Variants in ADORA1 observed in about 807,000 individuals in gnomAD.
The protein encoded by ADORA1 is adenosine A1 receptor, also known as adenosine receptor A1.
ADORA1 carries 6 observed loss-of-function variants against 19.9 expected under a neutral mutation model. The observed-to-expected ratio is 0.30, with a 90% CI of 0.17 to 0.59. The LOEUF (loss-of-function observed/expected upper bound fraction) is 0.59. Among genes scored for constraint, ADORA1 ranks in the 20% least tolerant of loss-of-function variants. ADORA1 has a pLI of 0.87. For synonymous variants in ADORA1, 194 were observed against 188.4 expected (o/e 1.03, Z -0.24); for missense variants, 302 against 439.2 (o/e 0.69, Z 2.79).
chr1:203,133,548 A>G (rs1278718684), intron 3 of ADORA1, among the ~76,000 whole-genome samples: 1 of 152,236 alleles, frequency 6.6e-6, no homozygotes, highest in Non-Finnish European at 1.5e-5. Flanking sequence ...CAGTAAGCCC[A>G]TGTGTATCTT....
chr1:203,157,529 G>A (rs545897338), intron 3 of ADORA1, among the ~76,000 whole-genome samples: 28 of 152,338 alleles, frequency 1.8e-4, no homozygotes, highest in Admixed American at 5.9e-4. Context: ...GTCCTACAGT[G>A]CTGGTGTCTG....
At chr1:203,134,128 GC>G (rs1334463514) in intron 3 of ADORA1, among the ~76,000 whole-genome samples, 21 of 152,160 alleles carry the variant, frequency 1.4e-4, no homozygotes, top group Admixed American at 1.4e-3. Context: ...TCTCACACTT[GC>G]GGACTGAGGA....
At chr1:203,152,397 G>A (rs1655066037) in intron 3 of ADORA1, among the ~76,000 whole-genome samples, 1 of 152,234 alleles carries the variant, frequency 6.6e-6, no homozygotes, top group Admixed American at 6.5e-5. Flanking sequence ...AGAGGCCACA[G>A]TCTGCAAAGA....
At chr1:203,162,590 C>T (rs943179007) in intron 3 of ADORA1, among the ~76,000 whole-genome samples, 1 of 152,160 alleles carries the variant, frequency 6.6e-6, no homozygotes, top group Non-Finnish European at 1.5e-5. Context: ...CTTCCTTGGG[C>T]AGAGTCTTGA....
chr1:203,151,941 T>G (rs1367498435), intron 3 of ADORA1, among the ~76,000 whole-genome samples: 1 of 152,206 alleles, frequency 6.6e-6, no homozygotes, highest in Non-Finnish European at 1.5e-5. Context: ...CGGGGATGTA[T>G]GGGTGCCCCT....
intron 3 of ADORA1, among the ~76,000 whole-genome samples, chr1:203,163,583 G>A (rs1047560949): frequency 2.0e-5 from 3 of 152,144 alleles, no homozygotes; most frequent in Admixed American, 6.5e-5. Context: ...CAAAGGTGTT[G>A]GAGTCATCTA....
intron 3 of ADORA1, among the ~76,000 whole-genome samples, chr1:203,140,566 TG>T (rs1654648674): frequency 6.6e-6 from 1 of 152,060 alleles, no homozygotes; most frequent in African/African-American, 2.4e-5. Context: ...TCTCCTCCCC[TG>T]GTGTGGTCAG....
At chr1:203,162,525 G>T (rs1655404865) in intron 3 of ADORA1, among the ~76,000 whole-genome samples, 1 of 152,128 alleles carries the variant, frequency 6.6e-6, no homozygotes, top group Non-Finnish European at 1.5e-5. Context: ...CAATCCATAG[G>T]CTGGACGGCA....
In ADORA1 at chr1:203,129,099, G is replaced by T. The variant is rs754921700; in HGVS notation, c.258G>T (p.Pro86=). 1.9e-6 allele frequency: 3 copies of T among 1,614,104 alleles called. No individual in the cohort carries two copies. The highest frequency in any genetic ancestry group is 1.7e-5 in the Admixed American group (1 of 60,014). ...ACACCTGCCTCATGGTTGCCTGTCC[G>T]GTCCTCATCCTCACCCAGAGCTCCA... ...YFHTCLMVAC[P]VLILTQSSIL... Residue 86 remains proline (P), a synonymous_variant, in exon 3 of 4, where the codon CCG becomes CCT. Transcript: ENST00000337894.
At chr1:203,133,447 G>A (rs902738524) in intron 3 of ADORA1, among the ~76,000 whole-genome samples, 2 of 152,204 alleles carry the variant, frequency 1.3e-5, no homozygotes, top group African/African-American at 4.8e-5. Context: ...TAAATTGAGG[G>A]CTGAGGCTTG....
intron 3 of ADORA1, among the ~76,000 whole-genome samples, chr1:203,154,946 C>G (rs561242907): frequency 6.6e-6 from 1 of 152,098 alleles, no homozygotes; most frequent in South Asian, 2.1e-4. Flanking sequence ...TCTTTTTTCT[C>G]TGTCAGATGT....
chr1:203,150,658 T>C (rs1416254185), intron 3 of ADORA1: 1 of 1,289,798 alleles, frequency 7.8e-7, no homozygotes. Context: ...CTTCTTGAGT[T>C]CTGATGCAGC....
In ADORA1 at chr1:203,128,700, C is replaced by A; in HGVS notation, c.-57-85C>A. ...TGCATGTGACAAGTGGGACACATCA[C>A]AGGGTACCTGGAGTTCCAGGGCAGC... On this transcript the variant is annotated intron_variant, in intron 2 of 3. Coordinates refer to ENST00000337894, the MANE Select transcript of ADORA1 (RefSeq NM_000674.3). This position sits in a 1 kb window ranked among gnomAD's most constrained non-coding sequence, Gnocchi z 5.9. 6.9e-7 allele frequency: 1 copy of A among 1,444,710 alleles called. No individual in the cohort carries two copies. The highest frequency in any genetic ancestry group is 9.2e-7 in the Non-Finnish European group (1 of 1,091,450). 89.5% of individuals were successfully genotyped at this position (1,444,710 alleles called of 1,614,324 possible).
rs201646414 is a variant in ADORA1, at chr1:203,165,841, C to T, written c.922C>T (p.Arg308Cys). 1.8e-5 allele frequency: 29 copies of T among 1,599,742 alleles called. No individual in the cohort carries two copies. The highest frequency in any genetic ancestry group is 8.5e-5 in the Admixed American group (5 of 59,008). Residue 308 changes from arginine (R) to cysteine (C), a missense_variant, in exon 4 of 4, where the codon CGC becomes TGC. Physicochemically the swap from Arg to Cys is radical, Grantham distance 180 (BLOSUM62 -3). Coordinates refer to ENST00000337894, the MANE Select transcript of ADORA1 (RefSeq NM_000674.3). This position sits in a 1 kb window ranked among gnomAD's most constrained non-coding sequence, Gnocchi z 5.9. ...TFLKIWNDHFRCQPAPPIDED... is the reference protein window; with the variant it reads ...TFLKIWNDHFCCQPAPPIDED... ...CCTTAAGATTTGGAATGACCATTTC[C>T]GCTGCCAGCCTGCACCTCCCATTGA... is the stretch of plus-strand genomic sequence containing the variant.
At chr1:203,141,343 G>A (rs1654683762) in intron 3 of ADORA1, among the ~76,000 whole-genome samples, 1 of 152,184 alleles carries the variant, frequency 6.6e-6, no homozygotes, top group African/African-American at 2.4e-5. Context: ...CTCTCACCAT[G>A]CACCCTGCTC....
At chr1:203,139,280 A>G (rs955120577) in intron 3 of ADORA1, among the ~76,000 whole-genome samples, 3 of 152,158 alleles carry the variant, frequency 2.0e-5, no homozygotes, top group African/African-American at 4.8e-5. Flanking sequence ...CAGGCTTTAG[A>G]CGGGATCCTG....
chr1:203,154,669 C>A (rs1655138871), intron 3 of ADORA1, among the ~76,000 whole-genome samples: 1 of 152,202 alleles, frequency 6.6e-6, no homozygotes, highest in Admixed American at 6.5e-5. Context: ...ACCACCGCCC[C>A]ATCCCCACTG....
intron 3 of ADORA1, among the ~76,000 whole-genome samples, chr1:203,153,323 C>A (rs773261254): frequency 2.0e-5 from 3 of 152,142 alleles, no homozygotes; most frequent in African/African-American, 4.8e-5. Context: ...TCACGTCCAG[C>A]GCTCAGAAAG....
intron 3 of ADORA1, among the ~76,000 whole-genome samples, chr1:203,153,933 G>A (rs1418995051): frequency 2.6e-5 from 4 of 152,080 alleles, no homozygotes; most frequent in African/African-American, 4.8e-5. Flanking sequence ...GGAAGGAGGG[G>A]ACCAGAGCTA....
Sources: gnomAD v4.1 joint callset for allele counts (sites outside exome capture counted in the v4.1 genomes callset) on GRCh38, gnomAD v4.1.1 for gene constraint, Gnocchi (gnomAD v3.1) non-coding constraint, MANE v1.5 for transcripts, NCBI Gene and HGNC (gene_info 2026-07-23, HGNC 2026-07-21) for gene names.